Variants in THSD4 observed in about 807,000 individuals in gnomAD.
THSD4 encodes thrombospondin type 1 domain containing 4, also known as thrombospondin type-1 domain-containing protein 4.
A neutral mutation model predicts 119.0 loss-of-function variants in THSD4; 69 were observed. That is an observed-to-expected ratio of 0.58 (90% CI 0.48 to 0.71). The LOEUF is 0.71. Ranked by LOEUF, THSD4 falls within the 30% of genes least tolerant of loss-of-function variation. The pLI is 0.00. For synonymous variants in THSD4, 524 were observed against 540.4 expected (o/e 0.97, Z 0.42); for missense variants, 1,393 against 1,391.1 (o/e 1.00, Z -0.02).
At chr15:71,135,602 G>A (rs1011087527) in intron 1 of THSD4, among the ~76,000 whole-genome samples, 1 of 152,154 alleles carries the variant, frequency 6.6e-6, no homozygotes, top group African/African-American at 2.4e-5. Context: ...ACTTGCTGTG[G>A]ATAATAGCCA....
chr15:71,257,452 A>T (rs563905010), intron 6 of THSD4, among the ~76,000 whole-genome samples: 1 of 152,264 alleles, frequency 6.6e-6, no homozygotes, highest in African/African-American at 2.4e-5. Context: ...GAGGGAGTCC[A>T]GCTGCCTTCA....
In THSD4 at chr15:71,746,848, G is replaced by A. The variant is rs759772114; in HGVS notation, c.2047G>A (p.Gly683Arg). 8.1e-6 allele frequency: 13 copies of A among 1,613,680 alleles called. No homozygotes were observed. The highest frequency in any genetic ancestry group is 1.3e-5 in the African/African-American group (1 of 74,934). ...IFPCPAFWDI[G>R]EWSECSKTCG... is the part of the protein sequence containing the mutation. ...TCATTCCTGAACCAGCTGGGACATC[G>A]GGGAGTGGTCTGAGTGCAGCAAGAC... Residue 683 changes from glycine (G) to arginine (R), a missense_variant, in exon 13 of 18, where the codon GGG (glycine) becomes AGG (arginine). Physicochemically the swap from Gly to Arg is moderately radical, Grantham distance 125. Transcript: ENST00000261862.
chr15:71,524,587 CTTTTTTTTT>C (rs71438517), intron 7 of THSD4, among the ~76,000 whole-genome samples: 6 of 59,504 alleles, frequency 1.0e-4, no homozygotes, highest in South Asian at 8.9e-4. Context: ...GTTTATGCCT[CTTTTTTTTT>C]TTTTTTTTTT....
chr15:71,382,192 C>T (rs2046237334), intron 6 of THSD4, among the ~76,000 whole-genome samples: 1 of 152,024 alleles, frequency 6.6e-6, no homozygotes, highest in South Asian at 2.1e-4. Flanking sequence ...AATCAAAGAC[C>T]TAAGAAAGAC....
At chr15:71,119,667 G>C (rs1214351146) in intron 1 of THSD4, among the ~76,000 whole-genome samples, 1 of 152,190 alleles carries the variant, frequency 6.6e-6, no homozygotes, top group East Asian at 1.9e-4. Flanking sequence ...ACCTGAGCGA[G>C]TGCTCAGGGA....
chr15:71,679,674 A>G (rs1037506538), intron 8 of THSD4, among the ~76,000 whole-genome samples: 10 of 152,238 alleles, frequency 6.6e-5, no homozygotes, highest in African/African-American at 2.4e-4. Flanking sequence ...TGAGACTGCA[A>G]ATACAGGGTA....
intron 6 of THSD4, among the ~76,000 whole-genome samples, chr15:71,394,266 CTTTTTTT>C (rs58372446): frequency 6.7e-5 from 6 of 89,692 alleles, no homozygotes; most frequent in Admixed American, 1.4e-4. Flanking sequence ...ACACATTTGT[CTTTTTTT>C]TTTTTTTTTT....
At chr15:71,282,083 A>G (rs2044659612) in intron 6 of THSD4, among the ~76,000 whole-genome samples, 1 of 152,228 alleles carries the variant, frequency 6.6e-6, no homozygotes, top group South Asian at 2.1e-4. Flanking sequence ...TGGGCTCAAT[A>G]AATGTTAGCT....
chr15:71,270,379 G>C (rs910194596), intron 6 of THSD4, among the ~76,000 whole-genome samples: 1 of 152,180 alleles, frequency 6.6e-6, no homozygotes, highest in Non-Finnish European at 1.5e-5. Flanking sequence ...AAATGGTGTT[G>C]AGAAACCTGG....
intron 6 of THSD4, among the ~76,000 whole-genome samples, chr15:71,398,274 G>C (rs778260352): frequency 1.3e-5 from 2 of 152,162 alleles, no homozygotes; most frequent in Admixed American, 6.5e-5. Context: ...CAGGGCATTT[G>C]GGGAAGAGGT....
At chr15:71,749,851 C>T (rs995234251) in intron 14 of THSD4, among the ~76,000 whole-genome samples, 6 of 151,936 alleles carry the variant, frequency 3.9e-5, no homozygotes, top group Non-Finnish European at 8.8e-5. Flanking sequence ...CCCCCTGCCC[C>T]CCTCCCGCCA....
chr15:71,431,715 A>G (rs1356218565), intron 7 of THSD4, among the ~76,000 whole-genome samples: 1 of 152,190 alleles, frequency 6.6e-6, no homozygotes, highest in Non-Finnish European at 1.5e-5. Context: ...CGATATCTAC[A>G]CTGTTACTTC....
At chr15:71,381,808 A>G (rs2046232791) in intron 6 of THSD4, among the ~76,000 whole-genome samples, 1 of 152,202 alleles carries the variant, frequency 6.6e-6, no homozygotes, top group Admixed American at 6.5e-5. Context: ...TCATCTTAAT[A>G]TCATATCCAT....
intron 3 of THSD4, among the ~76,000 whole-genome samples, chr15:71,188,276 C>CA (rs1185609217): frequency 6.6e-6 from 1 of 151,766 alleles, no homozygotes; most frequent in African/African-American, 2.4e-5. Context: ...GATGATGACT[C>CA]AAAAAAGGGG....
At chr15:71,370,277 C>T (rs1054971841) in intron 6 of THSD4, among the ~76,000 whole-genome samples, 5 of 152,052 alleles carry the variant, frequency 3.3e-5, no homozygotes, top group Admixed American at 6.6e-5. Flanking sequence ...ATGTCTCTAT[C>T]TCCTTCAGTT....
intron 8 of THSD4, among the ~76,000 whole-genome samples, chr15:71,710,093 C>G: frequency 6.6e-6 from 1 of 152,202 alleles, no homozygotes; most frequent in East Asian, 1.9e-4. Context: ...CAAGCTCTTT[C>G]CCATCCTGAG....
At chr15:71,651,206 C>T (rs1279034067) in intron 7 of THSD4, among the ~76,000 whole-genome samples, 1 of 152,210 alleles carries the variant, frequency 6.6e-6, no homozygotes, top group Admixed American at 6.5e-5. Context: ...TTTGGTAGAA[C>T]ATCCATCTTC....
At chr15:71,600,115 G>T (rs2049978518) in intron 7 of THSD4, among the ~76,000 whole-genome samples, 1 of 152,204 alleles carries the variant, frequency 6.6e-6, no homozygotes, top group Admixed American at 6.5e-5. Flanking sequence ...TTAAGATTCT[G>T]CAGCATTCCG....
chr15:71,139,700 G>A (rs141184543), intron 1 of THSD4, among the ~76,000 whole-genome samples: 2,766 of 152,278 alleles, frequency 0.018, 34 homozygotes, highest in Middle Eastern at 0.031. Context: ...GAATTGTCTG[G>A]TTCTCATGAC....
Sources: allele counts gnomAD v4.1 joint callset (sites outside exome capture counted in the v4.1 genomes callset), GRCh38; gene constraint gnomAD v4.1.1; transcripts MANE v1.5; gene names NCBI Gene and HGNC (gene_info 2026-07-23, HGNC 2026-07-21).